Variants in PLXDC2 observed in about 807,000 individuals in gnomAD.
PLXDC2 encodes plexin domain containing 2, also known as plexin domain-containing protein 2.
PLXDC2 carries 40 observed loss-of-function variants against 68.9 expected under a neutral mutation model. The observed-to-expected ratio is 0.58, with a 90% CI of 0.45 to 0.76. PLXDC2 has a LOEUF of 0.76. Among genes scored for constraint, PLXDC2 ranks in the 30% least tolerant of loss-of-function variants. The pLI is 0.00. For synonymous variants in PLXDC2, 243 were observed against 234.2 expected (o/e 1.04, Z -0.34); for missense variants, 644 against 661.9 (o/e 0.97, Z 0.30).
chr10:19,868,531 C>G (rs941943458), intron 1 of PLXDC2, among the ~76,000 whole-genome samples: 8 of 152,144 alleles, frequency 5.3e-5, no homozygotes, highest in African/African-American at 1.9e-4. Context: ...TATTCATTTT[C>G]TGACTCTATA....
rs192075646 is a variant in PLXDC2, at chr10:19,846,255, G to A, written c.112+29064G>A. ...TGGCAGGAAAGCTGTTTTTAGGGGA[G>A]GAGAAGGAGGATAAAATAAAATAAA... On this transcript the variant is annotated intron_variant, in intron 1 of 13. Transcript: ENST00000377252. Among the ~76,000 whole-genome samples the A allele has an allele frequency of 5.4e-3, 824 of 152,224 alleles. 6 individuals are homozygous for A. Among genetic ancestry groups the A allele is most frequent in the Middle Eastern group, 0.01 (3 of 294 alleles).
intron 13 of PLXDC2, among the ~76,000 whole-genome samples, chr10:20,260,761 G>A (rs2119365012): frequency 6.6e-6 from 1 of 152,206 alleles, no homozygotes; most frequent in South Asian, 2.1e-4. Context: ...AATTTTTTGA[G>A]TAAACTTCAT....
Position 20,286,287 on chromosome 10 carries a change from AACTAGT to A in PLXDC2, c.*6472_*6477del, listed in dbSNP as rs1353138988. 1 of 152,206 alleles carries A rather than the reference AACTAGT, an allele frequency of 6.6e-6. No homozygotes were observed. Among genetic ancestry groups the A allele is most frequent in the Non-Finnish European group, 1.5e-5 (1 of 68,044 alleles). The allele number at this position is 152,206 out of a possible 1,614,324, so 9.4% of individuals were successfully genotyped here. ...GAAAAAAAATTAAATGTAAGTCATA[AACTAGT>A]ACTCAGCTTTTCCTAGTTTCTAAGG... On this transcript the variant is annotated 3_prime_UTR_variant, in exon 14 of 14. Transcript: ENST00000377252.
At chr10:19,891,408 C>CT (rs5783704) in intron 1 of PLXDC2, among the ~76,000 whole-genome samples, 73,559 of 151,944 alleles carry the variant, frequency 0.48, 19,466 homozygotes, top group South Asian at 0.7. Flanking sequence ...TATTTTCTCC[C>CT]TTTTTTCTTC....
chr10:20,163,856 A>G (rs957410090), intron 6 of PLXDC2, among the ~76,000 whole-genome samples: 29 of 152,186 alleles, frequency 1.9e-4, no homozygotes, highest in African/African-American at 7.0e-4. Context: ...AGATTCAAAT[A>G]CAAGAACTGT....
At chr10:20,255,198 T>C (rs1049707875) in intron 13 of PLXDC2, among the ~76,000 whole-genome samples, 87 of 139,900 alleles carry the variant, frequency 6.2e-4, no homozygotes, top group Non-Finnish European at 1.0e-3. Context: ...GATGGATAGA[T>C]AGATAGATAG....
At chr10:20,140,096 C>T (rs1322672001) in intron 4 of PLXDC2, among the ~76,000 whole-genome samples, 14 of 152,092 alleles carry the variant, frequency 9.2e-5, no homozygotes, top group African/African-American at 2.9e-4. Flanking sequence ...GTCAGGAGAT[C>T]GAGACCATCC....
chr10:19,986,694 A>C (rs992713207), intron 1 of PLXDC2, among the ~76,000 whole-genome samples: 2 of 152,214 alleles, frequency 1.3e-5, no homozygotes, highest in Non-Finnish European at 2.9e-5. Context: ...GTAAAGTTAA[A>C]GTGAGAACAC....
chr10:20,214,130 T>C (rs971606383), intron 10 of PLXDC2, among the ~76,000 whole-genome samples: 1 of 152,282 alleles, frequency 6.6e-6, no homozygotes, highest in Non-Finnish European at 1.5e-5. Context: ...TATAGTTTCA[T>C]GTGAACCGTT....
At chr10:20,105,313 G>A (rs947705747) in intron 4 of PLXDC2, among the ~76,000 whole-genome samples, 1 of 152,132 alleles carries the variant, frequency 6.6e-6, no homozygotes, top group South Asian at 2.1e-4. Context: ...GGACTGGCTT[G>A]AAGATATAAC....
chr10:20,156,822 G>A (rs1834223590), intron 6 of PLXDC2, among the ~76,000 whole-genome samples: 1 of 152,152 alleles, frequency 6.6e-6, no homozygotes, highest in Admixed American at 6.5e-5. Flanking sequence ...CTGATACCCT[G>A]GAAAGCAAAT....
chr10:20,020,419 T>A (rs1835287886), intron 2 of PLXDC2, among the ~76,000 whole-genome samples: 1 of 152,086 alleles, frequency 6.6e-6, no homozygotes, highest in Non-Finnish European at 1.5e-5. Context: ...CTTGTGATCA[T>A]TTATCTCCTA....
At chr10:19,928,566 A>G (rs992525271) in intron 1 of PLXDC2, among the ~76,000 whole-genome samples, 7 of 152,122 alleles carry the variant, frequency 4.6e-5, no homozygotes, top group Non-Finnish European at 8.8e-5. Context: ...ATATGGGGGC[A>G]CTTGGGAGAC....
intron 1 of PLXDC2, among the ~76,000 whole-genome samples, chr10:19,922,569 C>G (rs1331991244): frequency 1.3e-4 from 20 of 152,078 alleles, no homozygotes; most frequent in Admixed American, 1.3e-3. Context: ...CATTTGTGAC[C>G]AGTACTGTGT....
At chr10:20,059,205 A>C (rs1416002667) in intron 3 of PLXDC2, among the ~76,000 whole-genome samples, 3 of 152,214 alleles carry the variant, frequency 2.0e-5, no homozygotes, top group Non-Finnish European at 2.9e-5. Context: ...GCTCTCACCC[A>C]AACCCCATGT....
intron 1 of PLXDC2, among the ~76,000 whole-genome samples, chr10:19,877,361 AT>A (rs1837650918): frequency 6.6e-6 from 1 of 152,158 alleles, no homozygotes; most frequent in Non-Finnish European, 1.5e-5. Context: ...AACTCCATAG[AT>A]TGTTCTTCGC....
intron 2 of PLXDC2, among the ~76,000 whole-genome samples, chr10:20,032,626 A>T (rs1564289509): frequency 6.6e-6 from 1 of 152,102 alleles, no homozygotes; most frequent in Non-Finnish European, 1.5e-5. Context: ...GATCCTAAAA[A>T]TTTTGATAAC....
At chr10:19,877,391 C>T (rs903883260) in intron 1 of PLXDC2, among the ~76,000 whole-genome samples, 3 of 152,206 alleles carry the variant, frequency 2.0e-5, no homozygotes, top group Non-Finnish European at 4.4e-5. Flanking sequence ...CTCAGTCTCC[C>T]TTTCTTCCAG....
At chr10:19,921,693 A>G (rs1833464041) in intron 1 of PLXDC2, among the ~76,000 whole-genome samples, 1 of 152,182 alleles carries the variant, frequency 6.6e-6, no homozygotes, top group Admixed American at 6.5e-5. Flanking sequence ...GTGAGGCTAC[A>G]CAGGGCTACA....
Sources: allele counts gnomAD v4.1 joint callset (sites outside exome capture counted in the v4.1 genomes callset), GRCh38; gene constraint gnomAD v4.1.1; transcripts MANE v1.5; gene names NCBI Gene and HGNC (gene_info 2026-07-23, HGNC 2026-07-21).